PAPOLG: variants seen among roughly 807,000 people sequenced by gnomAD.
PAPOLG encodes poly(A) polymerase gamma, also known as PAP-gamma.
In PAPOLG, 40 loss-of-function variants were observed where a neutral mutation model predicts 99.0. That is an observed-to-expected ratio of 0.40 (90% CI 0.31 to 0.53). The LOEUF (loss-of-function observed/expected upper bound fraction) is 0.53, where lower values mean the gene tolerates loss of function less well. PAPOLG is among the 20% of genes least tolerant of loss of function. The pLI is 0.41. For synonymous variants in PAPOLG, 310 were observed against 299.3 expected, an observed-to-expected ratio of 1.04 and a Z score of -0.37; for missense variants, 675 against 884.1, an observed-to-expected ratio of 0.76 and a Z score of 3.00.
chr2:60,775,828 A>G (rs1295593540), intron 8 of PAPOLG, among the ~76,000 whole-genome samples: 2 of 151,538 alleles, frequency 1.3e-5, no homozygotes, highest in Non-Finnish European at 2.9e-5. Flanking sequence ...GCAGTGGGCA[A>G]TCTTGGCTCA....
At chr2:60,760,416 T>G (rs113088887) in intron 2 of PAPOLG, 121 bp downstream of exon 2, 2 of 895,896 alleles carry the variant, frequency 2.2e-6, no homozygotes, top group Non-Finnish European at 3.4e-6. Flanking sequence ...AAGAAAAATC[T>G]TGGCCCTCTT....
intron 13 of PAPOLG, among the ~76,000 whole-genome samples, chr2:60,785,479 A>G (rs558049185): frequency 1.8e-4 from 27 of 152,030 alleles, no homozygotes; most frequent in Non-Finnish European, 3.8e-4. Context: ...ATTGTTTCAT[A>G]TATTATGTGC....
At chr2:60,780,277 C>CTT (rs530213712) in intron 9 of PAPOLG, among the ~76,000 whole-genome samples, 2,252 of 135,984 alleles carry the variant, frequency 0.017, 61 homozygotes, top group African/African-American at 0.057. Context: ...CTTACCTAGC[C>CTT]TTTTTTTTTT....
At chr2:60,785,534 AT>A (rs879362994) in intron 13 of PAPOLG, among the ~76,000 whole-genome samples, 58 of 146,080 alleles carry the variant, frequency 4.0e-4, no homozygotes, top group Middle Eastern at 3.6e-3. Flanking sequence ...CTTAGGATTT[AT>A]TTTTTTTTTT....
intron 19 of PAPOLG, 50 bp downstream of exon 19, chr2:60,794,241 T>C: frequency 6.5e-7 from 1 of 1,526,998 alleles, no homozygotes. Flanking sequence ...TTTTTATAGT[T>C]AATACTAAAG....
In PAPOLG at chr2:60,779,759, T is replaced by C; in HGVS notation, c.817T>C (p.Leu273=). Residue 273 remains leucine, a synonymous_variant, in exon 9 of 22, where the codon TTA becomes CTA. Transcript: ENST00000238714. ...ATCTACTTTAGTTCATAAGTTCTTT[T>C]TAGTTTTTTCCAAGTGGTAAGTATT... ...AASTLVHKFF[L]VFSKWEWPNP... The C allele has an allele frequency of 3.7e-6, 6 of 1,613,804 alleles. No individual in the cohort carries two copies. The highest frequency in any genetic ancestry group is 5.1e-6 in the Non-Finnish European group (6 of 1,179,770).
At chr2:60,756,710 C>A (rs1670353473) in intron 1 of PAPOLG, among the ~76,000 whole-genome samples, 1 of 152,124 alleles carries the variant, frequency 6.6e-6, no homozygotes, top group South Asian at 2.1e-4. Flanking sequence ...CTCCGGGAGT[C>A]CCCAGCTGTC....
At chr2:60,782,628 G>A in intron 11 of PAPOLG, 58 bp from the exon 12 acceptor site, 3 of 1,361,130 alleles carry the variant, frequency 2.2e-6, no homozygotes, top group South Asian at 1.4e-5. Context: ...TTAAGAGCTG[G>A]TCCCTTTTCA....
intron 7 of PAPOLG, among the ~76,000 whole-genome samples, chr2:60,774,692 G>A (rs948373666): frequency 2.6e-5 from 4 of 152,144 alleles, no homozygotes; most frequent in Non-Finnish European, 5.9e-5. Flanking sequence ...TTGCACTTTG[G>A]TGTATTTCCA....
chr2:60,786,049 T>C (rs1458193902), intron 13 of PAPOLG, among the ~76,000 whole-genome samples: 1 of 152,180 alleles, frequency 6.6e-6, no homozygotes, highest in Non-Finnish European at 1.5e-5. Flanking sequence ...CAATGGCGTT[T>C]TAAATGGGGT....
chr2:60,766,412 C>G (rs1670676778), intron 3 of PAPOLG, among the ~76,000 whole-genome samples: 3 of 152,054 alleles, frequency 2.0e-5, no homozygotes, highest in African/African-American at 7.2e-5. Flanking sequence ...GCCTGTGATC[C>G]CAGCACTTTG....
At chr2:60,788,249 G>T (rs17538393) in intron 15 of PAPOLG, among the ~76,000 whole-genome samples, 30,090 of 151,958 alleles carry the variant, frequency 0.2, 3,218 homozygotes, top group Middle Eastern at 0.24. Flanking sequence ...CTAGGTCAGG[G>T]TACAGGATAA....
intron 3 of PAPOLG, among the ~76,000 whole-genome samples, chr2:60,767,886 G>T (rs1480962663): frequency 6.6e-6 from 1 of 152,146 alleles, no homozygotes. Flanking sequence ...GGACAAGTAT[G>T]GTCAAGTGAT....
intron 14 of PAPOLG, 89 bp from the exon 15 acceptor site, chr2:60,787,422 T>C (rs536969676): frequency 6.9e-7 from 1 of 1,448,654 alleles, no homozygotes; most frequent in Admixed American, 2.3e-5. Context: ...GATAGAGACA[T>C]AGAGACCAAG....
At chr2:60,787,908 G>C (rs1303894337) in intron 15 of PAPOLG, among the ~76,000 whole-genome samples, 1 of 152,104 alleles carries the variant, frequency 6.6e-6, no homozygotes, top group Non-Finnish European at 1.5e-5. Flanking sequence ...AAAGTTAGTA[G>C]AGTGTGGTGG....
chr2:60,785,914 G>A (rs13028000), intron 13 of PAPOLG, among the ~76,000 whole-genome samples: 35,095 of 151,786 alleles, frequency 0.23, 4,623 homozygotes, highest in African/African-American at 0.34. Flanking sequence ...TTTTGTTCAT[G>A]CCCTAAGCCA....
At chr2:60,768,136 C>T (rs1371485324) in intron 3 of PAPOLG, among the ~76,000 whole-genome samples, 1 of 152,108 alleles carries the variant, frequency 6.6e-6, no homozygotes, top group African/African-American at 2.4e-5. Flanking sequence ...GAGTTTCACT[C>T]TTGTTCCCCA....
At chr2:60,793,005 C>T (rs1423107466) in intron 17 of PAPOLG, among the ~76,000 whole-genome samples, 4 of 151,854 alleles carry the variant, frequency 2.6e-5, no homozygotes, top group Non-Finnish European at 5.9e-5. Context: ...CATTGCACTC[C>T]AGCCTAGGCA....
intron 7 of PAPOLG, among the ~76,000 whole-genome samples, chr2:60,773,422 G>A (rs981600038): frequency 6.6e-6 from 1 of 152,118 alleles, no homozygotes; most frequent in African/African-American, 2.4e-5. Flanking sequence ...TTGCGTAAGG[G>A]TTCTTTAATT....
Sources: allele counts gnomAD v4.1 joint callset (sites outside exome capture counted in the v4.1 genomes callset), GRCh38; gene constraint gnomAD v4.1.1; transcripts MANE v1.5; gene names NCBI Gene and HGNC (gene_info 2026-07-23, HGNC 2026-07-21).